The following SUMF1 variants were observed in gnomAD, a reference collection of about 807,000 sequenced individuals.
SUMF1 encodes sulfatase modifying factor 1, also known as formylglycine-generating enzyme.
Under a neutral mutation model 47.6 loss-of-function variants are expected in SUMF1, and 48 were observed. The observed-to-expected ratio is 1.01, with a 90% CI of 0.80 to 1.28. The LOEUF is 1.28. Among genes scored for constraint, SUMF1 ranks in the 50% most tolerant of loss-of-function variants. The probability of loss-of-function intolerance (pLI) is 0.00; values close to 1 mark genes in which losing one functional copy is unlikely to be tolerated. For synonymous variants in SUMF1, 230 were observed against 192.1 expected (o/e 1.20, Z -1.63); for missense variants, 571 against 485.4 (o/e 1.18, Z -1.66).
intron 8 of SUMF1, among the ~76,000 whole-genome samples, chr3:4,304,651 C>A (rs1232139839): frequency 1.3e-5 from 2 of 152,196 alleles, no homozygotes; most frequent in African/African-American, 4.8e-5. Flanking sequence ...CTTTAACATC[C>A]ATTATCAACA....
intron 8 of SUMF1, among the ~76,000 whole-genome samples, chr3:4,206,207 G>C (rs1249325433): frequency 6.6e-6 from 1 of 151,632 alleles, no homozygotes; most frequent in Non-Finnish European, 1.5e-5. Flanking sequence ...GGAGCTGCAA[G>C]CTGTGTTGAC....
At chr3:4,439,520 T>C (rs1379716831) in intron 3 of SUMF1, among the ~76,000 whole-genome samples, 2 of 151,486 alleles carry the variant, frequency 1.3e-5, no homozygotes, top group African/African-American at 2.4e-5. Context: ...AGCCAAACCC[T>C]GTCTCAAAAA....
At chr3:4,177,171 G>C (rs371950907) in intron 8 of SUMF1, among the ~76,000 whole-genome samples, 76 of 152,236 alleles carry the variant, frequency 5.0e-4, no homozygotes, top group African/African-American at 1.7e-3. Context: ...CCTCAACTCA[G>C]CTCTGCAACA....
At chr3:4,327,822 T>A (rs1465438909) in intron 8 of SUMF1, among the ~76,000 whole-genome samples, 1 of 152,166 alleles carries the variant, frequency 6.6e-6, no homozygotes, top group Non-Finnish European at 1.5e-5. Context: ...GGAAAATGTG[T>A]TAAATATCAA....
At chr3:4,284,293 T>C (rs75056784) in intron 8 of SUMF1, among the ~76,000 whole-genome samples, 10,929 of 151,464 alleles carry the variant, frequency 0.072, 936 homozygotes, top group African/African-American at 0.2. Context: ...GTGCCAGTAG[T>C]GCCAGCTACC....
intron 8 of SUMF1, among the ~76,000 whole-genome samples, chr3:4,099,306 A>G (rs1692977908): frequency 6.6e-6 from 1 of 152,168 alleles, no homozygotes; most frequent in South Asian, 2.1e-4. Context: ...TTGGTTCAAC[A>G]TACATAAATC....
chr3:4,110,814 A>C (rs2125069412), intron 8 of SUMF1, among the ~76,000 whole-genome samples: 1 of 123,354 alleles, frequency 8.1e-6, no homozygotes, highest in East Asian at 2.4e-4. Flanking sequence ...GGACACAGGA[A>C]GGGGAACGTC....
chr3:4,147,779 C>T (rs942002569), intron 8 of SUMF1, among the ~76,000 whole-genome samples: 2 of 152,078 alleles, frequency 1.3e-5, no homozygotes, highest in African/African-American at 4.8e-5. Flanking sequence ...TTCCTGTATA[C>T]CTAACCCAGC....
At chr3:4,195,135 A>G (rs1695401073) in intron 8 of SUMF1, among the ~76,000 whole-genome samples, 1 of 152,146 alleles carries the variant, frequency 6.6e-6, no homozygotes. Context: ...TGGCTCATTT[A>G]GGAATAATAA....
At chr3:4,384,626 T>A (rs961671576) in intron 7 of SUMF1, among the ~76,000 whole-genome samples, 45 of 152,300 alleles carry the variant, frequency 3.0e-4, no homozygotes, top group African/African-American at 1.1e-3. Context: ...AGCATAATTC[T>A]CCGGAGATTC....
intron 8 of SUMF1, among the ~76,000 whole-genome samples, chr3:4,105,168 A>G (rs1367147137): frequency 6.6e-6 from 1 of 152,114 alleles, no homozygotes; most frequent in African/African-American, 2.4e-5. Flanking sequence ...TTACATGTGG[A>G]ATCTAAAACA....
At chr3:4,102,815 A>G (rs938721835) in intron 8 of SUMF1, among the ~76,000 whole-genome samples, 15 of 152,060 alleles carry the variant, frequency 9.9e-5, no homozygotes, top group African/African-American at 3.6e-4. Context: ...GGAGTAGGGA[A>G]GAAGAGAAGA....
At chr3:4,343,695 G>C (rs1022091165) in intron 8 of SUMF1, among the ~76,000 whole-genome samples, 1 of 152,210 alleles carries the variant, frequency 6.6e-6, no homozygotes. Context: ...CAAATTCACT[G>C]TGCATGGATG....
chr3:4,283,343 G>T (rs566535148), intron 8 of SUMF1, among the ~76,000 whole-genome samples: 2 of 152,230 alleles, frequency 1.3e-5, no homozygotes, highest in East Asian at 3.9e-4. Flanking sequence ...CGTTCAACTA[G>T]AACTATTTGG....
intron 3 of SUMF1, among the ~76,000 whole-genome samples, chr3:4,447,583 A>C (rs972383243): frequency 2.0e-5 from 3 of 152,204 alleles, no homozygotes; most frequent in African/African-American, 7.2e-5. Context: ...GTTACAAAAA[A>C]AAAAAGGTCT....
rs1009664516 is a variant in SUMF1, at chr3:4,467,040, C to T, written c.206G>A (p.Arg69Gln). 2 of 1,574,804 alleles carry T rather than the reference C, an allele frequency of 1.3e-6. No individual in the cohort carries two copies. Among genetic ancestry groups the T allele is most frequent in the Non-Finnish European group, 1.7e-6 (2 of 1,161,558 alleles). Residue 69 changes from arginine (R) to glutamine (Q), a missense_variant, in exon 1 of 9, where the codon CGA becomes CAA. Coordinates refer to ENST00000272902, the MANE Select transcript of SUMF1 (RefSeq NM_182760.4). Reference protein sequence around the residue: ...GAHGSSAAAHRYSREANAPGP... With the variant: ...GAHGSSAAAHQYSREANAPGP... ...CGGAGCGTTAGCCTCCCGCGAGTATCGGTGAGCGGCTGCCGAACTGCCATG... is the reference window on the plus strand; with the variant it reads ...CGGAGCGTTAGCCTCCCGCGAGTATTGGTGAGCGGCTGCCGAACTGCCATG...
At chr3:4,245,897 C>G (rs1323136832) in intron 8 of SUMF1, among the ~76,000 whole-genome samples, 1 of 152,200 alleles carries the variant, frequency 6.6e-6, no homozygotes, top group East Asian at 1.9e-4. Flanking sequence ...ATGTGCTCCA[C>G]CCAGTTCGAG....
chr3:4,069,254 T>C (rs562666422), intron 8 of SUMF1, among the ~76,000 whole-genome samples: 1 of 152,260 alleles, frequency 6.6e-6, no homozygotes, highest in African/African-American at 2.4e-5. Context: ...CAGTGATCCG[T>C]GTAGGGTCTT....
chr3:4,064,905 G>C (rs997121756), intron 9 of SUMF1, among the ~76,000 whole-genome samples: 5 of 152,022 alleles, frequency 3.3e-5, no homozygotes, highest in African/African-American at 1.2e-4. Flanking sequence ...AAACAGCATG[G>C]GACACAGCAA....
Sources: allele counts gnomAD v4.1 joint callset (sites outside exome capture counted in the v4.1 genomes callset), GRCh38; gene constraint gnomAD v4.1.1; transcripts MANE v1.5; gene names NCBI Gene and HGNC (gene_info 2026-07-23, HGNC 2026-07-21).